The following MPP7 variants were observed in gnomAD, a reference collection of about 807,000 sequenced individuals.
MPP7 encodes MAGUK p55 subfamily member 7.
In MPP7, 60 loss-of-function variants were observed where a neutral mutation model predicts 76.5. The ratio of observed to expected loss-of-function variants is 0.78; its 90% CI spans 0.64 to 0.97. The LOEUF (loss-of-function observed/expected upper bound fraction) is 0.97. Among genes scored for constraint, MPP7 ranks in the 50% least tolerant of loss-of-function variants. The pLI is 0.00. For missense variants in MPP7, 641 were observed against 694.0 expected, an observed-to-expected ratio of 0.92 and a Z score of 0.86; for synonymous variants, 237 against 244.5, an observed-to-expected ratio of 0.97 and a Z score of 0.29.
At chr10:28,136,011 C>A (rs1480727308) in intron 5 of MPP7, among the ~76,000 whole-genome samples, 2 of 152,060 alleles carry the variant, frequency 1.3e-5, no homozygotes, top group African/African-American at 4.8e-5. Context: ...GCTCTGCCTC[C>A]TGTCAGATCA....
intron 12 of MPP7, among the ~76,000 whole-genome samples, chr10:28,077,439 T>C (rs1319814674): frequency 6.6e-6 from 1 of 152,160 alleles, no homozygotes; most frequent in Non-Finnish European, 1.5e-5. Context: ...CAAACAGCAT[T>C]TTCCCAGTCA....
chr10:28,159,808 T>C (rs1836196415), intron 3 of MPP7, among the ~76,000 whole-genome samples: 1 of 152,216 alleles, frequency 6.6e-6, no homozygotes, highest in East Asian at 1.9e-4. Context: ...GCATTCTACA[T>C]GGCGCTTACC....
At chr10:28,091,961 T>G (rs1676890837) in intron 11 of MPP7, among the ~76,000 whole-genome samples, 2 of 152,242 alleles carry the variant, frequency 1.3e-5, no homozygotes, top group South Asian at 4.1e-4. Flanking sequence ...CTGCAGATTT[T>G]GGTATCCAAG....
intron 3 of MPP7, among the ~76,000 whole-genome samples, chr10:28,189,468 T>C (rs1033020000): frequency 6.8e-6 from 1 of 146,420 alleles, no homozygotes; most frequent in South Asian, 2.1e-4. Context: ...ACTTGGGAGG[T>C]TGAGAAGTGG....
intron 7 of MPP7, among the ~76,000 whole-genome samples, chr10:28,124,665 A>G (rs1378118461): frequency 6.9e-6 from 1 of 144,252 alleles, no homozygotes; most frequent in South Asian, 2.2e-4. Context: ...TTGTATTTTT[A>G]GTAGAGACAG....
At chr10:28,207,289 TG>T (rs1837979476) in intron 2 of MPP7, among the ~76,000 whole-genome samples, 1 of 151,776 alleles carries the variant, frequency 6.6e-6, no homozygotes, top group East Asian at 1.9e-4. Context: ...ATTTTATAAC[TG>T]AAAAAAAAAG....
At chr10:28,282,906 T>C (rs1840711766) in intron 1 of MPP7, among the ~76,000 whole-genome samples, 4 of 151,992 alleles carry the variant, frequency 2.6e-5, no homozygotes, top group Admixed American at 2.6e-4. Context: ...AGCCTGTGTC[T>C]CAACCTGAGG....
intron 1 of MPP7, among the ~76,000 whole-genome samples, chr10:28,288,135 C>T (rs925503532): frequency 2.0e-5 from 3 of 151,744 alleles, no homozygotes; most frequent in South Asian, 2.1e-4. Context: ...TATAGAGAAC[C>T]GCAAAAATGT....
intron 15 of MPP7, chr10:28,057,886 G>C (rs980769081): frequency 1.4e-5 from 17 of 1,202,554 alleles, no homozygotes; most frequent in Non-Finnish European, 1.7e-5. Flanking sequence ...CTGGGGATCT[G>C]CTGGAAGATG....
rs377231407 is a variant in MPP7, at chr10:28,173,886, T to C, written c.157-23827A>G. ...GTAAAGATATTCATTCTCACCAAAT[T>C]AAACTATGAATTCAATGCAATAATC... On this transcript the variant is annotated intron_variant, in intron 3 of 16. Transcript: ENST00000683449. Among the ~76,000 whole-genome samples, 11 of 152,262 alleles carry C rather than the reference T, an allele frequency of 7.2e-5. 1 individual carries two copies. In the East Asian group the frequency reaches 1.9e-3, roughly 27 times the overall value.
intron 12 of MPP7, among the ~76,000 whole-genome samples, chr10:28,076,662 C>T (rs766051476): frequency 1.1e-4 from 16 of 152,104 alleles, no homozygotes; most frequent in South Asian, 4.2e-4. Context: ...CCAAGACAGG[C>T]GGATCACCTG....
chr10:28,167,277 C>T (rs1836508199), intron 3 of MPP7, among the ~76,000 whole-genome samples: 1 of 151,642 alleles, frequency 6.6e-6, no homozygotes, highest in Non-Finnish European at 1.5e-5. Flanking sequence ...CACCACTGCA[C>T]TCCAGCCTGG....
At chr10:28,281,139 G>A (rs1344050493) in intron 1 of MPP7, among the ~76,000 whole-genome samples, 1 of 151,806 alleles carries the variant, frequency 6.6e-6, no homozygotes, top group Non-Finnish European at 1.5e-5. Context: ...GAATGCAGTG[G>A]TGCAATCTCT....
At chr10:28,143,500 T>C (rs1835595168) in intron 5 of MPP7, among the ~76,000 whole-genome samples, 1 of 152,198 alleles carries the variant, frequency 6.6e-6, no homozygotes, top group Non-Finnish European at 1.5e-5. Flanking sequence ...TAATAAATGT[T>C]CCTTCTAATC....
chr10:28,170,420 T>G (rs1836641679), intron 3 of MPP7, among the ~76,000 whole-genome samples: 1 of 151,968 alleles, frequency 6.6e-6, no homozygotes, highest in Admixed American at 6.6e-5. Context: ...TTGTTCCACC[T>G]CAGCCTCCCA....
intron 3 of MPP7, among the ~76,000 whole-genome samples, chr10:28,184,650 G>A (rs1322034228): frequency 1.3e-5 from 2 of 149,392 alleles, no homozygotes; most frequent in Non-Finnish European, 3.0e-5. Flanking sequence ...AGAGGTTGCA[G>A]TAAGCAGAGA....
chr10:28,118,713 C>A lies in MPP7; in HGVS notation c.952+938G>T, dbSNP rs143048248. The A allele has an allele frequency of 6.1e-6, 6 of 985,420 alleles. No individual in the cohort carries two copies. In the East Asian group the frequency reaches 6.8e-4, roughly 112 times the overall value. 61.0% of individuals were successfully genotyped at this position (985,420 alleles called of 1,614,324 possible). The stretch of plus-strand genomic sequence containing the variant: ...GGACAAGCAGGCTTTTGAATGAGTG[C>A]TCCACTTTAAGCATTTGCCTGCTTG... On this transcript the variant is annotated intron_variant, in intron 11 of 16. Transcript: ENST00000683449.
At chr10:28,234,252 G>A (rs1445348333) in intron 2 of MPP7, among the ~76,000 whole-genome samples, 1 of 152,000 alleles carries the variant, frequency 6.6e-6, no homozygotes, top group Admixed American at 6.6e-5. Flanking sequence ...AGCTCCCAAG[G>A]GCCAAAGCTG....
At chr10:28,241,891 G>A (rs965989694) in intron 1 of MPP7, among the ~76,000 whole-genome samples, 3 of 152,038 alleles carry the variant, frequency 2.0e-5, no homozygotes, top group African/African-American at 7.2e-5. Flanking sequence ...CTGATCATGT[G>A]GAAACAGTGA....
Sources: gnomAD v4.1 joint callset for allele counts (sites outside exome capture counted in the v4.1 genomes callset) on GRCh38, gnomAD v4.1.1 for gene constraint, MANE v1.5 for transcripts, NCBI Gene and HGNC (gene_info 2026-07-23, HGNC 2026-07-21) for gene names.